Variants in ABCB7 observed in about 807,000 individuals in gnomAD.
The protein encoded by ABCB7 is iron-sulfur clusters transporter ABCB7, mitochondrial.
ABCB7 carries 7 observed loss-of-function variants against 54.4 expected under a neutral mutation model. That is an observed-to-expected ratio of 0.13 (90% confidence interval 0.07 to 0.24). The LOEUF (loss-of-function observed/expected upper bound fraction) is 0.24. ABCB7 is among the 10% of genes least tolerant of loss of function. The pLI is 1.00. For missense variants in ABCB7, 356 were observed against 570.4 expected (o/e 0.62, Z 3.83); for synonymous variants, 218 against 207.1 (o/e 1.05, Z -0.45).
chrX:75,075,554 T>C lies in ABCB7; in HGVS notation c.663A>G (p.Ser221=). ...AGACATTTTTGGCTATTCTTCGGATTGAATTCTGGGCTACCTTGCCAAATA... is the reference window on the plus strand; with the variant it reads ...AGACATTTTTGGCTATTCTTCGGATCGAATTCTGGGCTACCTTGCCAAATA... The part of the protein sequence containing the change: ...NAVFGKVAQN[S]IRRIAKNVFL... Residue 221 remains serine (S), a synonymous_variant, in exon 6 of 16, where the codon TCA becomes TCG. Transcript: ENST00000373394. 5.0e-6 allele frequency: 6 copies of C among 1,210,959 alleles called. No homozygotes were observed. Among genetic ancestry groups the C allele is most frequent in the Non-Finnish European group, 6.7e-6 (6 of 894,857 alleles).
chrX:75,069,203 A>C (rs2081344150), intron 11 of ABCB7, 67 bp from the exon 12 acceptor site: 1 of 1,197,482 alleles, frequency 8.4e-7, no homozygotes, highest in Admixed American at 2.2e-5. Flanking sequence ...GTTTTAAACC[A>C]CAGTAATCAT....
chrX:75,060,562 T>G (rs1251777738), intron 14 of ABCB7, among the ~76,000 whole-genome samples: 1 of 110,851 alleles, frequency 9.0e-6, no homozygotes, highest in Non-Finnish European at 1.9e-5. Flanking sequence ...TGGAAAAAAA[T>G]TCTTAGGCAA....
At chrX:75,078,158 C>T (rs1173061549) in intron 4 of ABCB7, among the ~76,000 whole-genome samples, 1 of 109,823 alleles carries the variant, frequency 9.1e-6, no homozygotes, top group African/African-American at 3.3e-5. Flanking sequence ...GTGATCCGCC[C>T]GCCTCGGCCT....
rs778690060 is a variant in ABCB7, at chrX:75,109,600, A to C, written c.333+3286T>G. On this transcript the variant is annotated intron_variant, in intron 3 of 15. Transcript: ENST00000373394. ...CATTCCTAAATTCTAAAAGCAAGAA[A>C]TGTAATACCTCATAGAATCAAGGGA... Among the ~76,000 whole-genome samples, 36 of 112,163 alleles carry C rather than the reference A, an allele frequency of 3.2e-4. No homozygotes were observed. In the South Asian group the frequency reaches 7.8e-3, roughly 24 times the overall value.
intron 15 of ABCB7, among the ~76,000 whole-genome samples, chrX:75,056,962 A>C (rs1403811963): frequency 8.9e-6 from 1 of 112,133 alleles, no homozygotes; most frequent in Non-Finnish European, 1.9e-5. Context: ...TAATATATTC[A>C]AAAGTTACTT....
chrX:75,077,805 C>T (rs751572819), intron 4 of ABCB7, among the ~76,000 whole-genome samples: 4 of 111,340 alleles, frequency 3.6e-5, no homozygotes, highest in African/African-American at 6.5e-5. Context: ...AAACATTAAG[C>T]TTTCTGACTT....
At chrX:75,116,074 G>C (rs1457374985) in intron 1 of ABCB7, among the ~76,000 whole-genome samples, 1 of 111,655 alleles carries the variant, frequency 9.0e-6, no homozygotes, top group Admixed American at 9.5e-5. Context: ...GCATTCTGTA[G>C]AGAATCTCCT....
intron 1 of ABCB7, among the ~76,000 whole-genome samples, chrX:75,124,715 T>C (rs1420163409): frequency 8.9e-6 from 1 of 111,943 alleles, no homozygotes; most frequent in Non-Finnish European, 1.9e-5. Context: ...ATAATTTCAT[T>C]GAGCTGGCTT....
chrX:75,111,650 G>A (rs1203236863), intron 3 of ABCB7, among the ~76,000 whole-genome samples: 2 of 112,098 alleles, frequency 1.8e-5, no homozygotes, highest in Admixed American at 9.4e-5. Flanking sequence ...ATTCCAATTC[G>A]ATAAAAAGGC....
intron 1 of ABCB7, among the ~76,000 whole-genome samples, chrX:75,150,065 T>C (rs1178543178): frequency 1.8e-5 from 2 of 111,239 alleles, no homozygotes; most frequent in African/African-American, 6.5e-5. Flanking sequence ...AAGTCATGCC[T>C]TAGGAAGAAT....
intron 1 of ABCB7, among the ~76,000 whole-genome samples, chrX:75,146,369 C>A (rs1270683699): frequency 1.8e-5 from 2 of 111,664 alleles, no homozygotes; most frequent in East Asian, 5.6e-4. Flanking sequence ...CAAGGCAATC[C>A]TAAGAAAAAA....
intron 1 of ABCB7, among the ~76,000 whole-genome samples, chrX:75,148,376 ACC>A (rs200491997): frequency 9.9e-6 from 1 of 101,380 alleles, no homozygotes; most frequent in African/African-American, 3.6e-5. Flanking sequence ...AGCATCCCAA[ACC>A]CCCCCCCAAC....
chrX:75,064,263 T>C (rs761433921), intron 13 of ABCB7, among the ~76,000 whole-genome samples: 24 of 111,682 alleles, frequency 2.1e-4, no homozygotes, highest in Non-Finnish European at 4.1e-4. Flanking sequence ...TTGCACATAG[T>C]GTGTATCTAA....
At chrX:75,120,294 TA>T (rs1347095136) in intron 1 of ABCB7, among the ~76,000 whole-genome samples, 1 of 112,417 alleles carries the variant, frequency 8.9e-6, no homozygotes, top group Non-Finnish European at 1.9e-5. Flanking sequence ...GGAAATATAG[TA>T]ATTTGCATAA....
intron 3 of ABCB7, among the ~76,000 whole-genome samples, chrX:75,111,089 T>C (rs765504638): frequency 7.2e-5 from 8 of 111,352 alleles, no homozygotes; most frequent in Non-Finnish European, 1.5e-4. Context: ...AGAGATCCCT[T>C]CTCTATAAAC....
At chrX:75,094,652 G>T (rs978465735) in intron 4 of ABCB7, among the ~76,000 whole-genome samples, 3 of 111,371 alleles carry the variant, frequency 2.7e-5, no homozygotes, top group African/African-American at 9.8e-5. Flanking sequence ...GGCGGAGTTT[G>T]CAGTGAGCAG....
At chrX:75,055,553 CAAAAAAA>C (rs59851777) in intron 15 of ABCB7, among the ~76,000 whole-genome samples, 3 of 21,754 alleles carry the variant, frequency 1.4e-4, no homozygotes, top group Non-Finnish European at 3.3e-4. Context: ...CCATCTCTAC[CAAAAAAA>C]AAAAAAAAAA....
At chrX:75,071,940 T>A in intron 8 of ABCB7, among the ~76,000 whole-genome samples, 1 of 111,238 alleles carries the variant, frequency 9.0e-6, no homozygotes, top group Non-Finnish European at 1.9e-5. Flanking sequence ...TAAAACAAAA[T>A]CTTCAATGAC....
chrX:75,088,856 AAC>A (rs985603936), intron 4 of ABCB7, among the ~76,000 whole-genome samples: 1 of 109,249 alleles, frequency 9.2e-6, no homozygotes, highest in Non-Finnish European at 1.9e-5. Flanking sequence ...CAAAAAAAAA[AAC>A]ACAACAACAA....
Sources: gnomAD v4.1 joint callset for allele counts (sites outside exome capture counted in the v4.1 genomes callset) on GRCh38, gnomAD v4.1.1 for gene constraint, MANE v1.5 for transcripts, NCBI Gene and HGNC (gene_info 2026-07-23, HGNC 2026-07-21) for gene names.